The following APCDD1L variants were observed in gnomAD, a reference collection of about 807,000 sequenced individuals.
The protein encoded by APCDD1L is protein APCDD1-like.
In APCDD1L, 21 loss-of-function variants were observed where a neutral mutation model predicts 24.2. That is an observed-to-expected ratio of 0.87 (90% CI 0.61 to 1.25). The LOEUF (loss-of-function observed/expected upper bound fraction) is 1.25, where lower values mean the gene tolerates loss of function less well. Among genes scored for constraint, APCDD1L ranks in the 50% most tolerant of loss-of-function variants. The probability of loss-of-function intolerance (pLI) is 0.00; values close to 1 mark genes in which losing one functional copy is unlikely to be tolerated. For synonymous variants in APCDD1L, 321 were observed against 323.6 expected, an observed-to-expected ratio of 0.99 and a Z score of 0.09; for missense variants, 704 against 711.7, an observed-to-expected ratio of 0.99 and a Z score of 0.12.
At chr20:58,504,340 C>T (rs1990495769) in intron 1 of APCDD1L, among the ~76,000 whole-genome samples, 3 of 152,148 alleles carry the variant, frequency 2.0e-5, no homozygotes. Context: ...CCTCAGGGCC[C>T]CCAGGGAGCA....
intron 1 of APCDD1L, among the ~76,000 whole-genome samples, chr20:58,483,377 CA>C (rs34584995): frequency 0.068 from 10,340 of 152,050 alleles, 818 homozygotes; most frequent in East Asian, 0.23. Context: ...CTTTGAAAAG[CA>C]GTGTTTTCTA....
chr20:58,489,561 G>A (rs961752153), intron 1 of APCDD1L, among the ~76,000 whole-genome samples: 1 of 151,778 alleles, frequency 6.6e-6, no homozygotes, highest in Non-Finnish European at 1.5e-5. Flanking sequence ...GCGGGCACCT[G>A]TAATCCCAGC....
At position 58,508,910 on chromosome 20, in the gene APCDD1L, A is replaced by G. The variant is rs150879955; in HGVS notation, c.49+5749T>C. On this transcript the variant is annotated intron_variant, in intron 1 of 3. Transcript: ENST00000371149. The surrounding 1 kb of genome is among the most constrained non-coding windows in gnomAD (Gnocchi z 4.0). ...GGGTACTGGGAAAGACTGTGTGCACATGCGTGAGTGTGCATGAGTGTGCGT... is the reference window on the plus strand; with the variant it reads ...GGGTACTGGGAAAGACTGTGTGCACGTGCGTGAGTGTGCATGAGTGTGCGT... Among the ~76,000 whole-genome samples the G allele has an allele frequency of 2.7e-3, 405 of 152,148 alleles. 5 individuals are homozygous for G. Among genetic ancestry groups the G allele is most frequent in the African/African-American group, 9.0e-3 (375 of 41,500 alleles).
intron 2 of APCDD1L, 70 bp downstream of exon 2, chr20:58,470,539 G>T: frequency 6.7e-7 from 1 of 1,485,570 alleles, no homozygotes; most frequent in South Asian, 1.3e-5. Flanking sequence ...TTCAAAGATT[G>T]GATGCCGAGT....
rs778427561 is a variant in APCDD1L, at chr20:58,460,963, GA to G, written c.1332del (p.Thr446ProfsTer38). ...DGSSPDTPEK[R>X]PTSYQAPLVL... ...ACCAGGGGTGCTTGGTAGGAGGTGG[GA>G]CGTTTCTCTGGGGTATCGGGACTTG... On this transcript the variant is annotated frameshift_variant, in exon 4 of 4. Transcript: ENST00000371149. LOFTEE classifies it low-confidence loss of function (END_TRUNC). This position sits in a 1 kb window ranked among gnomAD's most constrained non-coding sequence, Gnocchi z 4.2. The G allele has an allele frequency of 6.2e-7, 1 of 1,614,132 alleles. No individual in the cohort carries two copies. The highest frequency in any genetic ancestry group is 1.1e-5 in the South Asian group (1 of 91,084).
chr20:58,485,478 A>G (rs1256256891), intron 1 of APCDD1L, among the ~76,000 whole-genome samples: 1 of 152,220 alleles, frequency 6.6e-6, no homozygotes, highest in East Asian at 1.9e-4. Context: ...TTTGTGGTTA[A>G]CCGCACATTT....
chr20:58,483,791 G>A lies in APCDD1L; in HGVS notation c.50-13044C>T, dbSNP rs1444533227. Among the ~76,000 whole-genome samples, 4 of 152,206 alleles carry A rather than the reference G, an allele frequency of 2.6e-5. 1 individual carries two copies. The highest frequency in any genetic ancestry group is 9.7e-5 in the African/African-American group (4 of 41,448). The stretch of plus-strand genomic sequence containing the variant: ...GTGGGTACCAATTCAATTCATGAGC[G>A]AGGAGGTGAGGCTGGGGCCAAAGAT... On this transcript the variant is annotated intron_variant, in intron 1 of 3. Transcript: ENST00000371149.
In APCDD1L at chr20:58,467,749, C is replaced by A. The variant is rs1459833704; in HGVS notation, c.189-91G>T. On this transcript the variant is annotated intron_variant, in intron 2 of 3. Coordinates refer to ENST00000371149, the MANE Select transcript of APCDD1L (RefSeq NM_153360.3). The surrounding 1 kb of genome is among the most constrained non-coding windows in gnomAD (Gnocchi z 5.9). Reference sequence around the variant, plus strand: ...CTGGGCTGGGCTCCTTTCTCCCCCCCAGCCCTCCTCTTAGTCCTCAGCTCA... The same window carrying A: ...CTGGGCTGGGCTCCTTTCTCCCCCCAAGCCCTCCTCTTAGTCCTCAGCTCA... The A allele has an allele frequency of 1.2e-5, 15 of 1,278,862 alleles. No individual in the cohort carries two copies. Among genetic ancestry groups the A allele is most frequent in the South Asian group, 4.0e-5 (2 of 50,024 alleles). 79.2% of individuals were successfully genotyped at this position (1,278,862 alleles called of 1,614,324 possible). A position where few individuals can be genotyped will look rare whatever the true frequency, so the allele number is the denominator to read the frequency against.
At chr20:58,507,354 A>C (rs551165214) in intron 1 of APCDD1L, among the ~76,000 whole-genome samples, 2 of 152,288 alleles carry the variant, frequency 1.3e-5, no homozygotes, top group East Asian at 3.9e-4. Context: ...AGCAGGGTGA[A>C]AATGAGGTAA....
intron 1 of APCDD1L, among the ~76,000 whole-genome samples, chr20:58,511,125 C>G (rs1446915602): frequency 6.6e-6 from 1 of 152,230 alleles, no homozygotes; most frequent in Non-Finnish European, 1.5e-5. Flanking sequence ...TCCCAACACA[C>G]TGATTGGGCC....
rs532891395 is a variant in APCDD1L at position 58,461,314 on chromosome 20, A to T, written c.982T>A (p.Phe328Ile). 6.9e-6 allele frequency: 11 copies of T among 1,605,714 alleles called. No homozygotes were observed. In the South Asian group the frequency reaches 1.1e-4, roughly 16 times the overall value. ...TAGCGGCCGGCGGCATACACGGTGA[A>T]GGTGGGCTGCCGGCAGGCTGGGTCT... ...FSDPACRQPTFTVYAAGRYTR... is the reference protein window; with the variant it reads ...FSDPACRQPTITVYAAGRYTR... The change falls in exon 4 of 4, where the codon TTC (phenylalanine) becomes ATC (isoleucine). Residue 328 changes from phenylalanine (F) to isoleucine (I), a missense_variant. Phe to Ile is a conservative substitution (Grantham distance 21). Transcript: ENST00000371149. This position sits in a 1 kb window ranked among gnomAD's most constrained non-coding sequence, Gnocchi z 6.0.
intron 1 of APCDD1L, among the ~76,000 whole-genome samples, chr20:58,495,650 G>C (rs1439172203): frequency 6.6e-6 from 1 of 152,178 alleles, no homozygotes; most frequent in Non-Finnish European, 1.5e-5. Flanking sequence ...AGAAGCCTCA[G>C]TGCCCTCGTC....
intron 1 of APCDD1L, among the ~76,000 whole-genome samples, chr20:58,474,494 A>T (rs1989870723): frequency 6.6e-6 from 1 of 152,218 alleles, no homozygotes; most frequent in Non-Finnish European, 1.5e-5. Flanking sequence ...ACCTGAGGTC[A>T]GGAGCTTGTG....
At chr20:58,486,854 GTTTTTTTTTTT>G (rs747539318) in intron 1 of APCDD1L, among the ~76,000 whole-genome samples, 6 of 80,404 alleles carry the variant, frequency 7.5e-5, no homozygotes, top group Admixed American at 4.1e-4. Flanking sequence ...TGGAGGGAAG[GTTTTTTTTTTT>G]TTTTTTTTTT....
chr20:58,474,853 G>C (rs564532104), intron 1 of APCDD1L, among the ~76,000 whole-genome samples: 1 of 152,226 alleles, frequency 6.6e-6, no homozygotes, highest in African/African-American at 2.4e-5. Context: ...CTCAAAAGGG[G>C]ACCCTGTGCC....
intron 1 of APCDD1L, among the ~76,000 whole-genome samples, chr20:58,496,783 G>A (rs939261591): frequency 3.3e-5 from 5 of 152,124 alleles, no homozygotes; most frequent in African/African-American, 1.2e-4. Context: ...AAGGAAGAGT[G>A]GAACTGTGCA....
Position 58,460,975 on chromosome 20 carries a change from G to T in APCDD1L, c.1321C>A (p.Pro441Thr), listed in dbSNP as rs1157314688. Residue 441 changes from proline (P) to threonine (T), a missense_variant, in exon 4 of 4, where the codon CCA becomes ACA. Pro to Thr is a conservative substitution (Grantham distance 38). Coordinates refer to ENST00000371149, the MANE Select transcript of APCDD1L (RefSeq NM_153360.3). The surrounding 1 kb of genome is among the most constrained non-coding windows in gnomAD (Gnocchi z 4.2). ...RPTDGSSPDT[P>T]EKRPTSYQAP... ...TGGTAGGAGGTGGGACGTTTCTCTG[G>T]GGTATCGGGACTTGAGCCATCGGTG... 1 of 1,614,148 alleles carries T rather than the reference G, an allele frequency of 6.2e-7. No individual in the cohort carries two copies. Among genetic ancestry groups the T allele is most frequent in the East Asian group, 2.2e-5 (1 of 44,876 alleles).
chr20:58,496,241 G>A (rs998216811), intron 1 of APCDD1L, among the ~76,000 whole-genome samples: 1 of 152,196 alleles, frequency 6.6e-6, no homozygotes, highest in African/African-American at 2.4e-5. Context: ...GGGGTCAGAG[G>A]GGCTCGCAGT....
chr20:58,499,625 G>A (rs138752579), intron 1 of APCDD1L, among the ~76,000 whole-genome samples: 98 of 152,286 alleles, frequency 6.4e-4, no homozygotes, highest in African/African-American at 2.2e-3. Context: ...ATCCACCTCA[G>A]TGCCCTTCCC....
Sources: gnomAD v4.1 joint callset for allele counts (sites outside exome capture counted in the v4.1 genomes callset) on GRCh38, gnomAD v4.1.1 for gene constraint, Gnocchi (gnomAD v3.1) non-coding constraint, MANE v1.5 for transcripts, NCBI Gene and HGNC (gene_info 2026-07-23, HGNC 2026-07-21) for gene names.